CACNA2D1: variants seen among roughly 807,000 people sequenced by gnomAD.
CACNA2D1 encodes the protein calcium voltage-gated channel auxiliary subunit alpha2delta 1.
Under a neutral mutation model 171.5 loss-of-function variants are expected in CACNA2D1, and 53 were observed. The observed-to-expected ratio is 0.31, with a 90% CI of 0.25 to 0.39. The LOEUF (loss-of-function observed/expected upper bound fraction) is 0.39. Ranked by LOEUF, CACNA2D1 falls within the 10% of genes least tolerant of loss-of-function variation. The probability of loss-of-function intolerance (pLI) is 1.00; values close to 1 mark genes in which losing one functional copy is unlikely to be tolerated. For synonymous variants in CACNA2D1, 442 were observed against 443.1 expected, an observed-to-expected ratio of 1.00 and a Z score of 0.03; for missense variants, 903 against 1,299.8, an observed-to-expected ratio of 0.69 and a Z score of 4.69.
rs182064104 is a variant in CACNA2D1 at position 82,392,496 on chromosome 7, G to A, written c.96-42847C>T. ...ATGGGTACAAGCCGTAATGCAGGGG[G>A]GCTGGGACACACTCTGCCCAGCCAT... On this transcript the variant is annotated intron_variant, in intron 1 of 38. Coordinates refer to ENST00000356860, the MANE Select transcript of CACNA2D1 (RefSeq NM_000722.4). Among the ~76,000 whole-genome samples, 11 of 152,304 alleles carry A rather than the reference G, an allele frequency of 7.2e-5. No homozygotes were observed. The East Asian group carries it at 1.2e-3, about 16-fold the overall frequency.
intron 1 of CACNA2D1, among the ~76,000 whole-genome samples, chr7:82,374,101 A>G (rs911614019): frequency 5.3e-5 from 8 of 152,206 alleles, no homozygotes; most frequent in African/African-American, 1.9e-4. Flanking sequence ...ACCAGTTCCA[A>G]TATAGCTTAC....
At chr7:82,335,694 G>C (rs1251880595) in intron 2 of CACNA2D1, among the ~76,000 whole-genome samples, 1 of 152,110 alleles carries the variant, frequency 6.6e-6, no homozygotes, top group Non-Finnish European at 1.5e-5. Flanking sequence ...GAGAGAGAGA[G>C]AATACATATA....
chr7:82,418,446 C>A (rs1015024419), intron 1 of CACNA2D1, among the ~76,000 whole-genome samples: 1 of 152,078 alleles, frequency 6.6e-6, no homozygotes, highest in Non-Finnish European at 1.5e-5. Context: ...TGTATTATTT[C>A]TTCTTTGTAG....
At position 81,980,021 on chromosome 7, in the gene CACNA2D1, G is replaced by A. The variant is rs190029327; in HGVS notation, c.1955+2546C>T. 4.6e-3 allele frequency among the ~76,000 whole-genome samples: 705 copies of A among 151,734 alleles called. 5 individuals are homozygous for A. Among genetic ancestry groups the A allele is most frequent in the Non-Finnish European group, 7.4e-3 (506 of 67,940 alleles). On this transcript the variant is annotated intron_variant, in intron 24 of 38. Transcript: ENST00000356860. The stretch of plus-strand genomic sequence containing the variant: ...TCTATGAAGCAGTCAGGAAGGATGC[G>A]TATACCAGTGAAGAAAGGAAAGAAA...
At position 82,099,422 on chromosome 7, in the gene CACNA2D1, C is replaced by CTTTTTTTTT. The variant is rs932080938; in HGVS notation, c.527-14531_527-14523dup. ...ACTCTAAAACAGGTAGCAATACCTT[C>CTTTTTTTTT]TTTTTTTTTTTTTTTTTTTTTTTTT... On this transcript the variant is annotated intron_variant, in intron 6 of 38. Transcript: ENST00000356860. Among the ~76,000 whole-genome samples, 27 of 40,276 alleles carry CTTTTTTTTT rather than the reference C, an allele frequency of 6.7e-4. 3 individuals are homozygous for CTTTTTTTTT. Among genetic ancestry groups the CTTTTTTTTT allele is most frequent in the Non-Finnish European group, 1.0e-3 (21 of 20,262 alleles). The allele number at this position is 40,276 out of a possible 152,430, so 26.4% of individuals were successfully genotyped here.
At chr7:81,976,401 G>A (rs1795846653) in intron 24 of CACNA2D1, among the ~76,000 whole-genome samples, 1 of 152,062 alleles carries the variant, frequency 6.6e-6, no homozygotes, top group Admixed American at 6.6e-5. Flanking sequence ...ATTTGTTTTT[G>A]TCTTCTCTTA....
At chr7:82,198,257 A>G (rs1481179058) in intron 3 of CACNA2D1, among the ~76,000 whole-genome samples, 1 of 152,144 alleles carries the variant, frequency 6.6e-6, no homozygotes, top group Non-Finnish European at 1.5e-5. Flanking sequence ...AACCTAGAGA[A>G]GCAGTAGGAT....
intron 3 of CACNA2D1, among the ~76,000 whole-genome samples, chr7:82,226,611 G>A (rs80349436): frequency 0.012 from 1,801 of 152,164 alleles, 30 homozygotes; most frequent in African/African-American, 0.041. Flanking sequence ...CAGAAGAGGA[G>A]GGAGCTCATT....
At chr7:82,294,645 A>G (rs1394990518) in intron 3 of CACNA2D1, among the ~76,000 whole-genome samples, 1 of 152,124 alleles carries the variant, frequency 6.6e-6, no homozygotes, top group Non-Finnish European at 1.5e-5. Context: ...AGCTAAAATA[A>G]TTACAGAGGA....
chr7:82,158,709 G>A (rs1344339277), intron 4 of CACNA2D1, among the ~76,000 whole-genome samples: 1 of 151,826 alleles, frequency 6.6e-6, no homozygotes, highest in Non-Finnish European at 1.5e-5. Context: ...GGAAACTGTG[G>A]CTTAGAGGTT....
intron 1 of CACNA2D1, among the ~76,000 whole-genome samples, chr7:82,432,323 C>A (rs984789441): frequency 2.2e-4 from 33 of 152,166 alleles, no homozygotes; most frequent in Non-Finnish European, 3.8e-4. Flanking sequence ...TGCAATGGTA[C>A]CAATGAGATG....
At chr7:82,381,908 C>G (rs891494992) in intron 1 of CACNA2D1, among the ~76,000 whole-genome samples, 2 of 151,838 alleles carry the variant, frequency 1.3e-5, no homozygotes, top group African/African-American at 4.9e-5. Context: ...TACTTTTGTA[C>G]AGATTTTATT....
intron 1 of CACNA2D1, among the ~76,000 whole-genome samples, chr7:82,389,043 G>T (rs1472002961): frequency 6.6e-6 from 1 of 151,488 alleles, no homozygotes; most frequent in African/African-American, 2.4e-5. Context: ...TTTAACCTGG[G>T]AGGTGGAGGT....
At chr7:81,995,279 T>C (rs1347242346) in intron 19 of CACNA2D1, among the ~76,000 whole-genome samples, 1 of 152,216 alleles carries the variant, frequency 6.6e-6, no homozygotes, top group Non-Finnish European at 1.5e-5. Flanking sequence ...AATGTATATG[T>C]ACAGAATTAC....
chr7:82,243,343 C>A (rs1024220543), intron 3 of CACNA2D1, among the ~76,000 whole-genome samples: 1 of 152,104 alleles, frequency 6.6e-6, no homozygotes, highest in African/African-American at 2.4e-5. Context: ...ATTTTAGCTA[C>A]AGATCCTTTA....
chr7:82,088,441 G>A (rs1810741523), intron 6 of CACNA2D1, among the ~76,000 whole-genome samples: 1 of 152,036 alleles, frequency 6.6e-6, no homozygotes, highest in Non-Finnish European at 1.5e-5. Flanking sequence ...GTGGAACTCT[G>A]ATTTACTGAA....
At chr7:82,228,433 C>T (rs1320122908) in intron 3 of CACNA2D1, among the ~76,000 whole-genome samples, 1 of 152,128 alleles carries the variant, frequency 6.6e-6, no homozygotes, top group Admixed American at 6.6e-5. Flanking sequence ...TTTAAGCTGA[C>T]AAGCTTGTGG....
intron 1 of CACNA2D1, among the ~76,000 whole-genome samples, chr7:82,372,567 G>T (rs1445646357): frequency 6.6e-6 from 1 of 151,994 alleles, no homozygotes; most frequent in African/African-American, 2.4e-5. Context: ...ATTCAATGAG[G>T]CAAAATCTAA....
intron 12 of CACNA2D1, among the ~76,000 whole-genome samples, chr7:82,032,266 T>C (rs1802791042): frequency 6.6e-6 from 1 of 151,918 alleles, no homozygotes; most frequent in South Asian, 2.1e-4. Flanking sequence ...TTTAATACAT[T>C]ATACCTATAA....
Sources: allele counts gnomAD v4.1 joint callset (sites outside exome capture counted in the v4.1 genomes callset), GRCh38; gene constraint gnomAD v4.1.1; transcripts MANE v1.5; gene names NCBI Gene and HGNC (gene_info 2026-07-23, HGNC 2026-07-21).